The following CFDP1 variants were observed in gnomAD, a reference collection of about 807,000 sequenced individuals.
CFDP1 encodes chromatin remodeling protein CFDP1.
CFDP1 carries 31 observed loss-of-function variants against 40.1 expected under a neutral mutation model. The ratio of observed to expected loss-of-function variants is 0.77; its 90% CI spans 0.58 to 1.04. CFDP1 has a LOEUF of 1.04. Among genes scored for constraint, CFDP1 ranks in the 50% least tolerant of loss-of-function variants. The pLI, the probability that CFDP1 is intolerant of heterozygous loss-of-function variation, is 0.00. For missense variants in CFDP1, 423 were observed against 343.4 expected (o/e 1.23, Z -1.83); for synonymous variants, 167 against 120.0 (o/e 1.39, Z -2.56).
chr16:75,422,729 A>G (rs1056611749), intron 1 of CFDP1, among the ~76,000 whole-genome samples: 1 of 151,926 alleles, frequency 6.6e-6, no homozygotes, highest in Non-Finnish European at 1.5e-5. Context: ...TCAAAAAAAA[A>G]ACACGTTTTT....
At chr16:75,377,632 A>C (rs1210888484) in intron 5 of CFDP1, among the ~76,000 whole-genome samples, 1 of 152,252 alleles carries the variant, frequency 6.6e-6, no homozygotes, top group Non-Finnish European at 1.5e-5. Context: ...CAATCTAGTC[A>C]ATTTAGTTCC....
chr16:75,422,389 A>T (rs1195093810), intron 1 of CFDP1, among the ~76,000 whole-genome samples: 3 of 136,582 alleles, frequency 2.2e-5, no homozygotes, highest in African/African-American at 5.7e-5. Flanking sequence ...GCCACTGCGT[A>T]TGGCCTCTTT....
chr16:75,414,679 T>C lies in CFDP1; in HGVS notation c.81A>G (p.Glu27=), dbSNP rs1425137659. The C allele has an allele frequency of 1.9e-6, 3 of 1,607,148 alleles. No homozygotes were observed. The highest frequency in any genetic ancestry group is 2.6e-6 in the Non-Finnish European group (3 of 1,173,906). The change falls in exon 2 of 7, where the codon GAA becomes GAG. Residue 27 remains glutamate, a synonymous_variant. Coordinates refer to ENST00000283882, the MANE Select transcript of CFDP1 (RefSeq NM_006324.3). The part of the protein sequence containing the change: ...DYVPSGGEYS[E]DDVNELVKED... The stretch of plus-strand genomic sequence containing the variant: ...CCTTCACTAATTCATTTACATCATC[T>C]TCACTATACTCTCCACCTGAAATCA...
At chr16:75,329,701 T>C (rs2151514295) in intron 5 of CFDP1, among the ~76,000 whole-genome samples, 1 of 152,352 alleles carries the variant, frequency 6.6e-6, no homozygotes, top group Middle Eastern at 3.4e-3. Flanking sequence ...AAAGACTGTC[T>C]ACATGTGCAA....
At chr16:75,338,792 T>C (rs539140661) in intron 5 of CFDP1, among the ~76,000 whole-genome samples, 12 of 152,334 alleles carry the variant, frequency 7.9e-5, no homozygotes, top group South Asian at 2.1e-4. Flanking sequence ...ATCTAAGGGA[T>C]AGCTTCTGTG....
intron 1 of CFDP1, among the ~76,000 whole-genome samples, chr16:75,419,910 C>T (rs1288772700): frequency 6.6e-6 from 1 of 152,048 alleles, no homozygotes; most frequent in African/African-American, 2.4e-5. Flanking sequence ...ATTCTTTATT[C>T]CTCTACTTTC....
At chr16:75,419,358 T>C (rs181501700) in intron 1 of CFDP1, among the ~76,000 whole-genome samples, 75 of 152,326 alleles carry the variant, frequency 4.9e-4, no homozygotes, top group Middle Eastern at 3.4e-3. Flanking sequence ...ATTAAATATT[T>C]ATATTGTTCC....
rs1231832380 is a variant in CFDP1 at position 75,357,313 on chromosome 16, G to A, written c.650+37777C>T. On this transcript the variant is annotated intron_variant, in intron 5 of 6. Coordinates refer to ENST00000283882, the MANE Select transcript of CFDP1 (RefSeq NM_006324.3). ...CCTGTCACCCAGGATGGAGTGTAGT[G>A]GCATGATCTCAGTTCAGTGCAACCT... 3.3e-5 allele frequency among the ~76,000 whole-genome samples: 5 copies of A among 151,626 alleles called. No homozygotes were observed. The South Asian group carries it at 8.3e-4, about 25-fold the overall frequency.
intron 5 of CFDP1, among the ~76,000 whole-genome samples, chr16:75,392,964 G>C (rs916205316): frequency 5.9e-5 from 9 of 152,214 alleles, no homozygotes; most frequent in Non-Finnish European, 1.3e-4. Flanking sequence ...GAAATATCTT[G>C]AGTATGAAGT....
At chr16:75,365,623 G>T (rs1328934453) in intron 5 of CFDP1, among the ~76,000 whole-genome samples, 1 of 152,146 alleles carries the variant, frequency 6.6e-6, no homozygotes, top group Admixed American at 6.5e-5. Flanking sequence ...AGGCTAGGGT[G>T]GGAGGATCAC....
At chr16:75,362,733 T>C (rs767290424) in intron 5 of CFDP1, 2 of 152,228 alleles carry the variant, frequency 1.3e-5, no homozygotes, top group Non-Finnish European at 2.9e-5. Flanking sequence ...AATGCAACTG[T>C]AGTTCACGGT....
intron 6 of CFDP1, chr16:75,301,742 A>T (rs1016153895): frequency 6.6e-6 from 1 of 151,988 alleles, no homozygotes; most frequent in African/African-American, 2.4e-5. Flanking sequence ...AAAGATGCAG[A>T]TATTTGTGAC....
At chr16:75,304,081 T>G (rs1267549227) in intron 6 of CFDP1, among the ~76,000 whole-genome samples, 2 of 152,172 alleles carry the variant, frequency 1.3e-5, no homozygotes, top group African/African-American at 4.8e-5. Flanking sequence ...TCTCTCTTTC[T>G]TTCTTGATAC....
chr16:75,387,330 CG>C (rs1056267011), intron 5 of CFDP1, among the ~76,000 whole-genome samples: 3 of 151,950 alleles, frequency 2.0e-5, no homozygotes, highest in Non-Finnish European at 1.5e-5. Context: ...TTAGTGGAGA[CG>C]GGGGTTTCAC....
At chr16:75,351,659 A>C (rs1458048729) in intron 5 of CFDP1, among the ~76,000 whole-genome samples, 1 of 152,222 alleles carries the variant, frequency 6.6e-6, no homozygotes, top group Non-Finnish European at 1.5e-5. Flanking sequence ...CAATTTTGAA[A>C]ATGAAAGGGA....
At chr16:75,400,180 G>C (rs1343009642) in intron 4 of CFDP1, among the ~76,000 whole-genome samples, 1 of 151,968 alleles carries the variant, frequency 6.6e-6, no homozygotes, top group African/African-American at 2.4e-5. Context: ...TGCTTGGGAG[G>C]CTGAAGCAGA....
intron 5 of CFDP1, among the ~76,000 whole-genome samples, chr16:75,366,029 T>C (rs1273543882): frequency 6.6e-6 from 1 of 152,318 alleles, no homozygotes; most frequent in South Asian, 2.1e-4. Flanking sequence ...ATTTCACTCC[T>C]AGGTATCAAT....
intron 6 of CFDP1, among the ~76,000 whole-genome samples, chr16:75,298,246 G>T (rs889268514): frequency 4.6e-5 from 7 of 152,188 alleles, no homozygotes; most frequent in Non-Finnish European, 5.9e-5. Flanking sequence ...AACACTTCCA[G>T]TCCCAAGCAT....
chr16:75,307,138 T>C (rs1424973826), intron 5 of CFDP1, among the ~76,000 whole-genome samples: 1 of 152,190 alleles, frequency 6.6e-6, no homozygotes, highest in Non-Finnish European at 1.5e-5. Context: ...ATGCTGTAAT[T>C]AGACTGAATT....
Sources: allele counts gnomAD v4.1 joint callset (sites outside exome capture counted in the v4.1 genomes callset), GRCh38; gene constraint gnomAD v4.1.1; transcripts MANE v1.5; gene names NCBI Gene and HGNC (gene_info 2026-07-23, HGNC 2026-07-21).